The following DTNA variants were observed in gnomAD, a reference collection of about 807,000 sequenced individuals.
DTNA encodes the protein dystrobrevin alpha, also known as dystrophin-related protein 3.
In DTNA, 43 loss-of-function variants were observed where a neutral mutation model predicts 100.7. That is an observed-to-expected ratio of 0.43 (90% CI 0.33 to 0.55). The LOEUF (loss-of-function observed/expected upper bound fraction) is 0.55, where lower values mean the gene tolerates loss of function less well. Ranked by LOEUF, DTNA falls within the 20% of genes least tolerant of loss-of-function variation. The pLI, the probability that DTNA is intolerant of heterozygous loss-of-function variation, is 0.04. For synonymous variants in DTNA, 349 were observed against 347.9 expected (o/e 1.00, Z -0.04); for missense variants, 798 against 953.9 (o/e 0.84, Z 2.15).
intron 2 of DTNA, among the ~76,000 whole-genome samples, chr18:34,765,473 C>T (rs2093419567): frequency 6.6e-6 from 1 of 152,064 alleles, no homozygotes; most frequent in African/African-American, 2.4e-5. Context: ...TATCATCATC[C>T]CCATCTTCCA....
intron 3 of DTNA, among the ~76,000 whole-genome samples, chr18:34,769,076 T>G (rs1273195842): frequency 3.3e-5 from 5 of 152,170 alleles, no homozygotes; most frequent in African/African-American, 1.2e-4. Context: ...TCTACAAAAT[T>G]AGACAAAGTT....
rs557735134 is a variant in DTNA, at chr18:34,691,420, A to G, written c.-1-64556A>G. Among the ~76,000 whole-genome samples the G allele has an allele frequency of 6.6e-5, 10 of 152,348 alleles. No individual in the cohort carries two copies. The South Asian group carries it at 1.9e-3, about 28-fold the overall frequency. On this transcript the variant is annotated intron_variant, in intron 1 of 19. Transcript: ENST00000283365. The stretch of plus-strand genomic sequence containing the variant: ...AGCGTCAGTTGACCAAGCTGAAAAG[A>G]TAAGTCTATTTTACTTCAAGGACTA...
chr18:34,585,154 A>G (rs1042842485), intron 1 of DTNA, among the ~76,000 whole-genome samples: 3 of 152,154 alleles, frequency 2.0e-5, no homozygotes, highest in Admixed American at 6.5e-5. Flanking sequence ...AAGAAAAACA[A>G]AGAATTCAGG....
chr18:34,546,123 G>T (rs2044749795), intron 1 of DTNA, among the ~76,000 whole-genome samples: 1 of 152,042 alleles, frequency 6.6e-6, no homozygotes, highest in Non-Finnish European at 1.5e-5. Flanking sequence ...TGAACTAATT[G>T]GTACAAGAGC....
At chr18:34,877,507 C>A (rs1171837812) in intron 18 of DTNA, among the ~76,000 whole-genome samples, 2 of 152,146 alleles carry the variant, frequency 1.3e-5, no homozygotes, top group African/African-American at 4.8e-5. Flanking sequence ...CATCATTAGC[C>A]ATGTCTTCTT....
intron 1 of DTNA, among the ~76,000 whole-genome samples, chr18:34,623,195 C>CA (rs1298677152): frequency 1.3e-5 from 2 of 152,034 alleles, no homozygotes; most frequent in East Asian, 3.9e-4. Context: ...GGTCAAGGGC[C>CA]AAAAAATGCA....
At chr18:34,616,952 A>G (rs983628894) in intron 1 of DTNA, among the ~76,000 whole-genome samples, 3 of 152,088 alleles carry the variant, frequency 2.0e-5, no homozygotes, top group Non-Finnish European at 4.4e-5. Flanking sequence ...AAGAAATGCT[A>G]CTGATTTTTT....
At chr18:34,878,077 A>AT (rs2096836186) in intron 19 of DTNA, among the ~76,000 whole-genome samples, 1 of 151,906 alleles carries the variant, frequency 6.6e-6, no homozygotes. Flanking sequence ...GGCTCAAGTG[A>AT]TCCCCCTACC....
rs200882383 is a variant in DTNA at position 34,765,992 on chromosome 18, C to T, written c.99C>T (p.Ser33=). ...RAQDLDRIRL[S]TYRTACKLRF... Reference sequence around the variant, plus strand: ...AAGATCTGGATCGCATCCGACTCTCCACCTACAGAACAGCATGCAAGCTTA... The same window carrying T: ...AAGATCTGGATCGCATCCGACTCTCTACCTACAGAACAGCATGCAAGCTTA... The change falls in exon 3 of 23, where the codon TCC becomes TCT. Residue 33 remains serine (S), a synonymous_variant. Coordinates refer to ENST00000444659, the MANE Select transcript of DTNA (RefSeq NM_001386795.1). 6.2e-7 allele frequency: 1 copy of T among 1,613,816 alleles called. No homozygotes were observed. The highest frequency in any genetic ancestry group is 2.2e-5 in the East Asian group (1 of 44,870).
At chr18:34,820,529 C>T (rs2095688846) in intron 8 of DTNA, among the ~76,000 whole-genome samples, 1 of 152,154 alleles carries the variant, frequency 6.6e-6, no homozygotes, top group Admixed American at 6.5e-5. Flanking sequence ...AGAAGGATTC[C>T]TGCAGGCCCA....
At chr18:34,844,182 G>A (rs903886765) in intron 13 of DTNA, among the ~76,000 whole-genome samples, 1 of 152,086 alleles carries the variant, frequency 6.6e-6, no homozygotes, top group Non-Finnish European at 1.5e-5. Flanking sequence ...TGTAACATAG[G>A]GGGTTGTTGA....
At chr18:34,702,763 T>C (rs2081557580) in intron 1 of DTNA, among the ~76,000 whole-genome samples, 1 of 152,182 alleles carries the variant, frequency 6.6e-6, no homozygotes, top group South Asian at 2.1e-4. Flanking sequence ...CTAAGCTATA[T>C]ATAAGCAATA....
intron 1 of DTNA, among the ~76,000 whole-genome samples, chr18:34,645,454 G>C (rs1250469082): frequency 2.6e-5 from 4 of 152,104 alleles, no homozygotes; most frequent in Admixed American, 2.6e-4. Flanking sequence ...ACTAAGGGAA[G>C]AGGAAAATTT....
At chr18:34,586,870 A>G (rs1008864433) in intron 1 of DTNA, among the ~76,000 whole-genome samples, 21 of 152,190 alleles carry the variant, frequency 1.4e-4, no homozygotes, top group Admixed American at 2.6e-4. Context: ...AGTGATGGAC[A>G]TATTTATGAT....
chr18:34,646,936 G>C (rs118166532), intron 1 of DTNA, among the ~76,000 whole-genome samples: 1 of 151,612 alleles, frequency 6.6e-6, no homozygotes, highest in Admixed American at 6.6e-5. Context: ...AGATGGTCTC[G>C]ATCTCTTGAC....
intron 1 of DTNA, among the ~76,000 whole-genome samples, chr18:34,711,196 G>A (rs17556675): frequency 0.057 from 8,738 of 152,154 alleles, 338 homozygotes; most frequent in Non-Finnish European, 0.081. Flanking sequence ...TTCCCAGAGC[G>A]CAGACGCCTT....
At chr18:34,510,250 T>C (rs1321237108) in intron 1 of DTNA, among the ~76,000 whole-genome samples, 1 of 152,022 alleles carries the variant, frequency 6.6e-6, no homozygotes, top group African/African-American at 2.4e-5. Context: ...TTTTTTTTCC[T>C]ACAAATTTAT....
At chr18:34,556,427 T>C (rs1246679985) in intron 1 of DTNA, among the ~76,000 whole-genome samples, 1 of 151,440 alleles carries the variant, frequency 6.6e-6, no homozygotes, top group East Asian at 1.9e-4. Flanking sequence ...TGTTAGCTGG[T>C]GATTTTGCTC....
At chr18:34,518,681 G>GT (rs35144785) in intron 1 of DTNA, among the ~76,000 whole-genome samples, 82,934 of 134,988 alleles carry the variant, frequency 0.61, 26,635 homozygotes, top group East Asian at 0.91. Context: ...TTGACTTACC[G>GT]TTTTTTTTTT....
Sources: gnomAD v4.1 joint callset for allele counts (sites outside exome capture counted in the v4.1 genomes callset) on GRCh38, gnomAD v4.1.1 for gene constraint, MANE v1.5 for transcripts, NCBI Gene and HGNC (gene_info 2026-07-23, HGNC 2026-07-21) for gene names.